Variants in AUTS2 observed in about 807,000 individuals in gnomAD.
AUTS2 encodes the protein activator of transcription and developmental regulator AUTS2, also known as autism susceptibility gene 2 protein.
Under a neutral mutation model 112.4 loss-of-function variants are expected in AUTS2, and 17 were observed. The ratio of observed to expected loss-of-function variants is 0.15; its 90% CI spans 0.10 to 0.23. The LOEUF is 0.23. AUTS2 is among the 10% of genes least tolerant of loss of function. The probability of loss-of-function intolerance (pLI) is 1.00; values close to 1 mark genes in which losing one functional copy is unlikely to be tolerated. For synonymous variants in AUTS2, 751 were observed against 702.7 expected, an observed-to-expected ratio of 1.07 and a Z score of -1.09; for missense variants, 1,510 against 1,701.6, an observed-to-expected ratio of 0.89 and a Z score of 1.98.
intron 4 of AUTS2, among the ~76,000 whole-genome samples, chr7:70,355,452 C>G: frequency 6.6e-6 from 1 of 152,076 alleles, no homozygotes; most frequent in East Asian, 1.9e-4. Flanking sequence ...ACGGCGACCC[C>G]CTCAAATGTC....
chr7:69,935,105 T>A (rs1796359406), intron 2 of AUTS2, among the ~76,000 whole-genome samples: 1 of 152,146 alleles, frequency 6.6e-6, no homozygotes, highest in Admixed American at 6.5e-5. Context: ...TCACTTTCTC[T>A]GTAGGTAGAA....
rs1216428148 is a variant in AUTS2, at chr7:70,766,907, G to A, written c.1689+573G>A. 6.6e-6 allele frequency among the ~76,000 whole-genome samples: 1 copy of A among 152,218 alleles called. No homozygotes were observed. Among genetic ancestry groups the A allele is most frequent in the Non-Finnish European group, 1.5e-5 (1 of 68,048 alleles). ...ATTGTGCTCTGTCAGCCAGTGTTCAGGGATCCCCGCAGGGACAGAACGCTC... is the reference window on the plus strand; with the variant it reads ...ATTGTGCTCTGTCAGCCAGTGTTCAAGGATCCCCGCAGGGACAGAACGCTC... On this transcript the variant is annotated intron_variant, in intron 9 of 18. Coordinates refer to ENST00000342771, the MANE Select transcript of AUTS2 (RefSeq NM_015570.4). The surrounding 1 kb of genome is among the most constrained non-coding windows in gnomAD (Gnocchi z 4.8).
At position 70,279,232 on chromosome 7, in the gene AUTS2, T is replaced by A. The variant is rs77395022; in HGVS notation, c.660+144661T>A. On this transcript the variant is annotated intron_variant, in intron 4 of 18. Coordinates refer to ENST00000342771, the MANE Select transcript of AUTS2 (RefSeq NM_015570.4). Reference sequence around the variant, plus strand: ...AATAAAAATGACTGATGGCACTCTCTCTTGGACCCTTTTGTTCAACTCACC... The same window carrying A: ...AATAAAAATGACTGATGGCACTCTCACTTGGACCCTTTTGTTCAACTCACC... Among the ~76,000 whole-genome samples the A allele has an allele frequency of 2.2e-3, 329 of 152,342 alleles. 3 individuals are homozygous for A. The highest frequency in any genetic ancestry group is 7.7e-3 in the African/African-American group (319 of 41,576).
intron 1 of AUTS2, among the ~76,000 whole-genome samples, chr7:69,802,689 G>A (rs993786134): frequency 6.6e-6 from 1 of 152,172 alleles, no homozygotes; most frequent in Non-Finnish European, 1.5e-5. Context: ...CAAAGCACCT[G>A]ACTTTTTGGG....
At chr7:69,674,341 A>G (rs1250611924) in intron 1 of AUTS2, among the ~76,000 whole-genome samples, 2 of 152,170 alleles carry the variant, frequency 1.3e-5, no homozygotes. Flanking sequence ...GGAGTGGCAT[A>G]GTGGTTAAGA....
At chr7:70,394,132 GT>G (rs35520686) in intron 4 of AUTS2, among the ~76,000 whole-genome samples, 37,378 of 152,084 alleles carry the variant, frequency 0.25, 5,129 homozygotes, top group African/African-American at 0.37. Context: ...AGATGCATGT[GT>G]TATGTGTATT....
intron 4 of AUTS2, among the ~76,000 whole-genome samples, chr7:70,161,460 G>A (rs1340557879): frequency 1.5e-4 from 23 of 151,058 alleles, no homozygotes; most frequent in Admixed American, 1.1e-3. Context: ...TTTTTAAGTC[G>A]CTTTTGGAGG....
chr7:69,742,816 G>A (rs1426796733), intron 1 of AUTS2, among the ~76,000 whole-genome samples: 9 of 152,152 alleles, frequency 5.9e-5, no homozygotes, highest in Non-Finnish European at 1.0e-4. Flanking sequence ...CATAGTAGGT[G>A]GCTAGTTGTG....
At chr7:70,346,946 A>G (rs902066804) in intron 4 of AUTS2, among the ~76,000 whole-genome samples, 1 of 152,164 alleles carries the variant, frequency 6.6e-6, no homozygotes, top group African/African-American at 2.4e-5. Flanking sequence ...CACGTGAACT[A>G]CATGAAGCAG....
intron 2 of AUTS2, among the ~76,000 whole-genome samples, chr7:69,954,724 A>C (rs1797152164): frequency 6.6e-6 from 1 of 152,244 alleles, no homozygotes; most frequent in South Asian, 2.1e-4. Flanking sequence ...ATGCAAGGTC[A>C]TAAAGCTGGT....
intron 2 of AUTS2, among the ~76,000 whole-genome samples, chr7:69,912,959 C>T (rs1795424833): frequency 6.6e-6 from 1 of 152,110 alleles, no homozygotes; most frequent in Non-Finnish European, 1.5e-5. Context: ...TTTCAGTGAC[C>T]ATCCACAGCC....
chr7:70,093,190 T>C (rs1804012187), intron 2 of AUTS2, among the ~76,000 whole-genome samples: 1 of 152,162 alleles, frequency 6.6e-6, no homozygotes, highest in Admixed American at 6.5e-5. Context: ...GATCAATTAC[T>C]TATGGCTGTA....
intron 5 of AUTS2, among the ~76,000 whole-genome samples, chr7:70,654,727 G>A (rs1428514645): frequency 5.3e-5 from 8 of 152,100 alleles, no homozygotes; most frequent in South Asian, 2.1e-4. Flanking sequence ...AGGTGACTAC[G>A]GTATTTGATG....
chr7:70,378,909 A>T (rs1793240000), intron 4 of AUTS2, among the ~76,000 whole-genome samples: 1 of 152,210 alleles, frequency 6.6e-6, no homozygotes, highest in African/African-American at 2.4e-5. Flanking sequence ...TAAGAATTTT[A>T]AACTGTGGTC....
chr7:70,647,208 C>T (rs78687418), intron 5 of AUTS2, among the ~76,000 whole-genome samples: 5,069 of 152,282 alleles, frequency 0.033, 322 homozygotes, highest in African/African-American at 0.11. Context: ...GCCCATTCCA[C>T]GTTTCCCCTC....
At chr7:70,539,850 C>T (rs1284071337) in intron 5 of AUTS2, among the ~76,000 whole-genome samples, 2 of 152,116 alleles carry the variant, frequency 1.3e-5, no homozygotes, top group Non-Finnish European at 2.9e-5. Flanking sequence ...AAAAAGTCTG[C>T]CAACAAAACC....
intron 5 of AUTS2, among the ~76,000 whole-genome samples, chr7:70,442,314 G>C (rs1039298044): frequency 5.9e-5 from 9 of 152,070 alleles, no homozygotes; most frequent in African/African-American, 2.2e-4. Flanking sequence ...AAACCTGATT[G>C]CACCTCATAC....
chr7:70,265,434 T>C (rs1787371098), intron 4 of AUTS2, among the ~76,000 whole-genome samples: 1 of 152,170 alleles, frequency 6.6e-6, no homozygotes, highest in Non-Finnish European at 1.5e-5. Flanking sequence ...ATGAGTAATA[T>C]AATAAGGAAT....
intron 1 of AUTS2, among the ~76,000 whole-genome samples, chr7:69,849,675 T>C (rs894134481): frequency 7.2e-5 from 11 of 151,988 alleles, no homozygotes; most frequent in African/African-American, 2.4e-4. Flanking sequence ...ATATGAAATA[T>C]ATACATTAAA....
Sources: gnomAD v4.1 joint callset for allele counts (sites outside exome capture counted in the v4.1 genomes callset) on GRCh38, gnomAD v4.1.1 for gene constraint, Gnocchi (gnomAD v3.1) non-coding constraint, MANE v1.5 for transcripts, NCBI Gene and HGNC (gene_info 2026-07-23, HGNC 2026-07-21) for gene names.